The following EPHA4 variants were observed in gnomAD, a reference collection of about 807,000 sequenced individuals.
EPHA4 encodes the protein ephrin type-A receptor 4.
In EPHA4, 19 loss-of-function variants were observed where a neutral mutation model predicts 108.3. The observed-to-expected ratio is 0.18, with a 90% confidence interval of 0.12 to 0.26. The LOEUF (loss-of-function observed/expected upper bound fraction) is 0.26. Among genes scored for constraint, EPHA4 ranks in the 10% least tolerant of loss-of-function variants. EPHA4 has a pLI of 1.00. For missense variants in EPHA4, 917 were observed against 1,254.0 expected, an observed-to-expected ratio of 0.73 and a Z score of 4.06; for synonymous variants, 449 against 455.5, an observed-to-expected ratio of 0.99 and a Z score of 0.18.
rs189453588 is a variant in EPHA4, at chr2:221,433,706, G to A, written c.2496+436C>T. 3.2e-3 allele frequency among the ~76,000 whole-genome samples: 485 copies of A among 152,200 alleles called. 2 individuals carry two copies. The highest frequency in any genetic ancestry group is 5.2e-3 in the Admixed American group (80 of 15,292). On this transcript the variant is annotated intron_variant, in intron 14 of 17. Transcript: ENST00000281821. The stretch of plus-strand genomic sequence containing the variant: ...AAGCTTTATTTTAGAGTCCTCAAGG[G>A]GTGAGCTCTAATTACAACGATGCCA...
intron 17 of EPHA4, 146 bp downstream of exon 17, chr2:221,425,063 A>G (rs1164191644): frequency 2.0e-5 from 3 of 150,344 alleles, no homozygotes; most frequent in Non-Finnish European, 4.4e-5. Flanking sequence ...GCTGTCAAAA[A>G]AGGACTGAAA....
chr2:221,546,714 G>A (rs1360638659), intron 3 of EPHA4, among the ~76,000 whole-genome samples: 1 of 152,114 alleles, frequency 6.6e-6, no homozygotes, highest in African/African-American at 2.4e-5. Flanking sequence ...CTTGCCATAA[G>A]GCTGAGAAAA....
At chr2:221,541,306 GGCAGAGAACCGAA>G (rs1321645314) in intron 3 of EPHA4, among the ~76,000 whole-genome samples, 1 of 152,020 alleles carries the variant, frequency 6.6e-6, no homozygotes, top group East Asian at 1.9e-4. Flanking sequence ...CTAGGCAGAG[GGCAGAGAACCGAA>G]GCAGCGAGGG....
chr2:221,483,322 C>A (rs1207562397), intron 4 of EPHA4, among the ~76,000 whole-genome samples: 1 of 152,012 alleles, frequency 6.6e-6, no homozygotes. Flanking sequence ...CTCCTCCTGC[C>A]CTTTAACTCG....
At chr2:221,502,198 A>G (rs16862787) in intron 3 of EPHA4, among the ~76,000 whole-genome samples, 13,572 of 151,762 alleles carry the variant, frequency 0.089, 787 homozygotes, top group East Asian at 0.15. Flanking sequence ...CTTGCTCCCC[A>G]CTCTTTTTCC....
At chr2:221,488,352 A>G (rs996669548) in intron 4 of EPHA4, among the ~76,000 whole-genome samples, 1 of 152,172 alleles carries the variant, frequency 6.6e-6, no homozygotes, top group Non-Finnish European at 1.5e-5. Flanking sequence ...TAACCTATGT[A>G]TATAGCCCAG....
At chr2:221,430,432 G>T (rs1342287255) in intron 14 of EPHA4, among the ~76,000 whole-genome samples, 1 of 152,174 alleles carries the variant, frequency 6.6e-6, no homozygotes, top group Non-Finnish European at 1.5e-5. Flanking sequence ...CAGTTTTGGT[G>T]ACGGCCCTCA....
chr2:221,480,970 A>T (rs1691799448), intron 5 of EPHA4, among the ~76,000 whole-genome samples: 1 of 152,164 alleles, frequency 6.6e-6, no homozygotes, highest in Non-Finnish European at 1.5e-5. Context: ...GTTAGAGGCG[A>T]TAGGATTGTT....
intron 3 of EPHA4, among the ~76,000 whole-genome samples, chr2:221,519,786 T>G (rs1309009112): frequency 6.6e-6 from 1 of 152,136 alleles, no homozygotes; most frequent in Non-Finnish European, 1.5e-5. Context: ...CAAAGAACAT[T>G]AAAAAGGCCT....
Position 221,425,503 on chromosome 2 carries a change from G to C in EPHA4, c.*525C>G, listed in dbSNP as rs1290435024. 6.5e-6 allele frequency: 1 copy of C among 153,022 alleles called. No individual in the cohort carries two copies. The highest frequency in any genetic ancestry group is 2.0e-4 in the South Asian group (1 of 4,884). The allele number at this position is 153,022 out of a possible 1,614,324, so 9.5% of individuals were successfully genotyped here. A position where few individuals can be genotyped will look rare whatever the true frequency, so the allele number is the denominator to read the frequency against. ...AGCACTGAAGAGGCAACACTAATGA[G>C]CCACGTCGCTTTCTCCTAGGACTTT... On this transcript the variant is annotated 3_prime_UTR_variant, in exon 17 of 18. Coordinates refer to ENST00000281821, the MANE Select transcript of EPHA4 (RefSeq NM_004438.5).
intron 3 of EPHA4, among the ~76,000 whole-genome samples, chr2:221,537,838 G>A (rs185865559): frequency 1.4e-3 from 211 of 152,246 alleles, no homozygotes; most frequent in South Asian, 2.1e-3. Context: ...TGACGATGAC[G>A]AAGAAGGAGG....
intron 3 of EPHA4, among the ~76,000 whole-genome samples, chr2:221,544,400 A>G (rs762966108): frequency 3.9e-5 from 6 of 152,142 alleles, no homozygotes; most frequent in African/African-American, 7.2e-5. Flanking sequence ...ATCTCAGCTC[A>G]CTGCAACCTC....
At chr2:221,506,413 G>A (rs1020897774) in intron 3 of EPHA4, among the ~76,000 whole-genome samples, 9 of 152,212 alleles carry the variant, frequency 5.9e-5, no homozygotes, top group Admixed American at 3.9e-4. Flanking sequence ...TGGGGAAGGT[G>A]TGAACATTAA....
intron 3 of EPHA4, chr2:221,502,425 C>T (rs1403968072): frequency 2.2e-6 from 1 of 456,710 alleles, no homozygotes; most frequent in Non-Finnish European, 4.5e-6. Flanking sequence ...TAGGACTTGT[C>T]TATACTATCA....
At chr2:221,485,174 A>G (rs1202487252) in intron 4 of EPHA4, among the ~76,000 whole-genome samples, 1 of 152,222 alleles carries the variant, frequency 6.6e-6, no homozygotes, top group East Asian at 1.9e-4. Flanking sequence ...AGAAGCAAAA[A>G]GTCAGTAATT....
chr2:221,498,618 GT>G (rs950143702), intron 4 of EPHA4, among the ~76,000 whole-genome samples: 373 of 146,010 alleles, frequency 2.6e-3, no homozygotes, highest in African/African-American at 8.2e-3. Context: ...TTCTGTTTTC[GT>G]TTTTTTTTTT....
intron 3 of EPHA4, among the ~76,000 whole-genome samples, chr2:221,530,573 C>A (rs1693478161): frequency 6.6e-6 from 1 of 152,186 alleles, no homozygotes; most frequent in African/African-American, 2.4e-5. Context: ...AGTAGGGGGA[C>A]TGGGGGCCCA....
rs369715564 is a variant in EPHA4 at position 221,447,138 on chromosome 2, G to A, written c.1716-957C>T. Among the ~76,000 whole-genome samples, 39 of 152,232 alleles carry A rather than the reference G, an allele frequency of 2.6e-4. No homozygotes were observed. In the South Asian group the frequency reaches 4.6e-3, roughly 18 times the overall value. ...TTAAAGGAATCAGAAAGTCAACTCC[G>A]TTGATATCACAGCTGTCTAAAGCTT... On this transcript the variant is annotated intron_variant, in intron 8 of 17. Transcript: ENST00000281821.
intron 5 of EPHA4, among the ~76,000 whole-genome samples, chr2:221,482,079 AT>A (rs915346788): frequency 1.3e-5 from 2 of 151,662 alleles, no homozygotes. Flanking sequence ...TAATTTTTGT[AT>A]TTTTTTTGTA....
Sources: gnomAD v4.1 joint callset for allele counts (sites outside exome capture counted in the v4.1 genomes callset) on GRCh38, gnomAD v4.1.1 for gene constraint, MANE v1.5 for transcripts, NCBI Gene and HGNC (gene_info 2026-07-23, HGNC 2026-07-21) for gene names.